CPNE7: variants seen among roughly 807,000 people sequenced by gnomAD.
CPNE7 encodes the protein copine-7.
Under a neutral mutation model 66.5 loss-of-function variants are expected in CPNE7, and 78 were observed. That is an observed-to-expected ratio of 1.17 (90% CI 0.98 to 1.42). The LOEUF is 1.42. CPNE7 is among the 40% of genes most tolerant of loss of function. The pLI is 0.00. For synonymous variants in CPNE7, 468 were observed against 336.7 expected (o/e 1.39, Z -4.27); for missense variants, 1,012 against 776.6 (o/e 1.30, Z -3.60).
chr16:89,583,827 G>A, intron 3 of CPNE7, 56 bp downstream of exon 3: 4 of 1,592,104 alleles, frequency 2.5e-6, no homozygotes, highest in Non-Finnish European at 1.7e-6. Flanking sequence ...GGCTCCGAGG[G>A]GTGTTGTGGG....
intron 2 of CPNE7, among the ~76,000 whole-genome samples, chr16:89,582,804 A>C (rs2058975696): frequency 6.6e-6 from 1 of 152,258 alleles, no homozygotes; most frequent in Non-Finnish European, 1.5e-5. Context: ...TCCGCCAGGC[A>C]GTAGCAGGTG....
intron 2 of CPNE7, 161 bp from the exon 3 acceptor site, chr16:89,583,536 A>C: frequency 6.4e-7 from 1 of 1,574,260 alleles, no homozygotes; most frequent in African/African-American, 1.4e-5. Context: ...CAGGTGCTTG[A>C]GAGCAGCCAC....
Position 89,588,806 on chromosome 16 carries a change from C to A in CPNE7, c.1059C>A (p.Asp353Glu). The change falls in exon 10 of 15, where the codon GAC becomes GAA. Residue 353 changes from aspartate to glutamate, a missense_variant and splice_region_variant. Transcript: ENST00000319518. ...TGGGCGAGATCTGCCAGGACTATGA[C>A]AGGTGCGCCCACCACCTTCCCCTCA... ...VSVGEICQDY[D>E]SDKRFSALGF... The A allele has an allele frequency of 1.9e-6, 3 of 1,613,176 alleles. No individual in the cohort carries two copies. The highest frequency in any genetic ancestry group is 2.5e-6 in the Non-Finnish European group (3 of 1,179,822).
At chr16:89,596,016 GAC>G (rs1270529928) in intron 14 of CPNE7, 1 of 477,464 alleles carries the variant, frequency 2.1e-6, no homozygotes, top group African/African-American at 2.0e-5. Flanking sequence ...TACCAGGCAA[GAC>G]ACACATGTCA....
chr16:89,595,933 C>T (rs1414160505), intron 14 of CPNE7: 1 of 535,376 alleles, frequency 1.9e-6, no homozygotes, highest in Non-Finnish European at 3.6e-6. Flanking sequence ...ACGTGAGGTT[C>T]TACCCGCCGA....
rs372852558 is a variant in CPNE7 at position 89,588,154 on chromosome 16, G to GC, written c.928-516dup. ...CCCGCGTGTCACCCACAGATACACG[G>GC]CCCCCGTGTCACCCGCGTGTCACCC... is the stretch of plus-strand genomic sequence containing the variant. On this transcript the variant is annotated intron_variant, in intron 9 of 14. Coordinates refer to ENST00000319518, the MANE Select transcript of CPNE7 (RefSeq NM_153636.3). 1.9e-3 allele frequency among the ~76,000 whole-genome samples: 26 copies of GC among 13,358 alleles called. 5 individuals carry two copies. The highest frequency in any genetic ancestry group is 0.016 in the East Asian group (2 of 126). 8.8% of individuals were successfully genotyped at this position (13,358 alleles called of 152,430 possible).
chr16:89,590,297 G>A (rs1271991022), intron 11 of CPNE7, among the ~76,000 whole-genome samples: 16 of 152,184 alleles, frequency 1.1e-4, no homozygotes, highest in Non-Finnish European at 1.6e-4. Flanking sequence ...GGCCGAGGCG[G>A]GCCGATTACC....
intron 10 of CPNE7, among the ~76,000 whole-genome samples, chr16:89,589,011 G>C (rs546783991): frequency 1.1e-3 from 165 of 152,360 alleles, no homozygotes; most frequent in Admixed American, 8.4e-3. Flanking sequence ...ACTGTGAGGG[G>C]CCGGGCGCGG....
intron 2 of CPNE7, among the ~76,000 whole-genome samples, chr16:89,582,885 TGAG>T (rs1298057807): frequency 6.6e-6 from 1 of 152,252 alleles, no homozygotes; most frequent in East Asian, 1.9e-4. Context: ...CACTTACGTG[TGAG>T]GAGATGACGG....
intron 9 of CPNE7, chr16:89,587,743 GGCCCCCGTGTCACCCGCGTGTCACC>G: frequency 2.7e-5 from 3 of 112,686 alleles, no homozygotes; most frequent in South Asian, 2.0e-4. Context: ...ACAGATACAC[GGCCCCCGTGTCACCCGCGTGTCACC>G]CACAGAAACA....
chr16:89,583,867 G>C (rs1377227613), intron 3 of CPNE7, 96 bp downstream of exon 3: 1 of 1,492,886 alleles, frequency 6.7e-7, no homozygotes, highest in African/African-American at 1.4e-5. Context: ...TGCCGTCCAG[G>C]GAGGGTCTGC....
At chr16:89,588,913 C>G (rs1567962858) in intron 10 of CPNE7, 105 bp downstream of exon 10, 3 of 1,431,106 alleles carry the variant, frequency 2.1e-6, no homozygotes, top group East Asian at 4.8e-5. Context: ...TCAGCTATGA[C>G]AGGTGCACCC....
At chr16:89,576,544 G>A (rs1431972599) in intron 1 of CPNE7, among the ~76,000 whole-genome samples, 2 of 152,192 alleles carry the variant, frequency 1.3e-5, no homozygotes, top group Non-Finnish European at 2.9e-5. Context: ...TCCAACGTGG[G>A]TCTCAAGCGA....
intron 8 of CPNE7, 68 bp from the exon 9 acceptor site, chr16:89,586,975 C>A: frequency 2.0e-6 from 3 of 1,486,176 alleles, no homozygotes; most frequent in Non-Finnish European, 2.8e-6. Flanking sequence ...GGAGGCAGGC[C>A]TGGATCCCAG....
At chr16:89,585,405 C>G (rs1297022839) in intron 5 of CPNE7, 59 bp from the exon 6 acceptor site, 5 of 1,198,102 alleles carry the variant, frequency 4.2e-6, no homozygotes, top group East Asian at 4.9e-5. Flanking sequence ...AGGTCTCTAT[C>G]CCCCCCAAGG....
At chr16:89,587,682 C>G in intron 9 of CPNE7, 1 of 399,636 alleles carries the variant, frequency 2.5e-6, no homozygotes, top group South Asian at 1.7e-5. Context: ...CCCCGCGTCA[C>G]CCATAGATAC....
intron 2 of CPNE7, 82 bp downstream of exon 2, chr16:89,577,803 C>A: frequency 1.4e-6 from 2 of 1,442,008 alleles, no homozygotes; most frequent in Non-Finnish European, 1.9e-6. Context: ...ACCAGCACCG[C>A]AGGGACCCTG....
Position 89,585,780 on chromosome 16 carries a change from G to A in CPNE7, c.775G>A (p.Gly259Arg). Residue 259 changes from glycine to arginine, a missense_variant, in exon 7 of 15, where the codon GGG becomes AGG. Coordinates refer to ENST00000319518, the MANE Select transcript of CPNE7 (RefSeq NM_153636.3). ...FEEMQKAFEE[G>R]QAQWDCVNPK... The stretch of plus-strand genomic sequence containing the variant: ...GGAGATGCAGAAGGCCTTTGAGGAG[G>A]GGCAGGTGAGCAGGACGGGGTAGGG... 1.3e-6 allele frequency: 2 copies of A among 1,533,538 alleles called. No individual in the cohort carries two copies. The highest frequency in any genetic ancestry group is 1.8e-6 in the Non-Finnish European group (2 of 1,141,158). 95.0% of individuals were successfully genotyped at this position (1,533,538 alleles called of 1,614,324 possible). A position where few individuals can be genotyped will look rare whatever the true frequency, so the allele number is the denominator to read the frequency against.
At chr16:89,578,797 G>A (rs2151427209) in intron 2 of CPNE7, 3 of 1,501,508 alleles carry the variant, frequency 2.0e-6, no homozygotes, top group South Asian at 2.6e-5. Context: ...CTTGTGAGCA[G>A]CAGGTCCTAC....
Sources: gnomAD v4.1 joint callset for allele counts (sites outside exome capture counted in the v4.1 genomes callset) on GRCh38, gnomAD v4.1.1 for gene constraint, MANE v1.5 for transcripts, NCBI Gene and HGNC (gene_info 2026-07-23, HGNC 2026-07-21) for gene names.